TCF4: variants seen among roughly 807,000 people sequenced by gnomAD.
The protein encoded by TCF4 is SL3-3 enhancer factor 2.
In TCF4, 3 loss-of-function variants were observed where a neutral mutation model predicts 82.1. That is an observed-to-expected ratio of 0.04 (90% CI 0.02 to 0.09). The LOEUF is 0.09. Ranked by LOEUF, TCF4 falls within the 10% of genes least tolerant of loss-of-function variation. TCF4 has a pLI of 1.00. For missense variants in TCF4, 518 were observed against 852.7 expected (o/e 0.61, Z 4.89); for synonymous variants, 276 against 309.6 (o/e 0.89, Z 1.14).
intron 3 of TCF4, among the ~76,000 whole-genome samples, chr18:55,501,744 A>G (rs1015780942): frequency 1.4e-4 from 21 of 152,162 alleles, no homozygotes; most frequent in African/African-American, 5.1e-4. Context: ...ACAGCTGGAA[A>G]CAGGAAGCTT....
chr18:55,622,049 TAATA>T (rs1349077373), intron 2 of TCF4, among the ~76,000 whole-genome samples: 5 of 136,826 alleles, frequency 3.7e-5, no homozygotes, highest in Non-Finnish European at 7.6e-5. Flanking sequence ...ACACTATATA[TAATA>T]TATATACACT....
chr18:55,304,913 A>G (rs951966916), intron 8 of TCF4, among the ~76,000 whole-genome samples: 3 of 152,170 alleles, frequency 2.0e-5, no homozygotes, highest in African/African-American at 7.2e-5. Flanking sequence ...CTTTGTTTCA[A>G]TGATAAACCA....
At chr18:55,365,995 GATATAGAT>G (rs1479590421) in intron 6 of TCF4, among the ~76,000 whole-genome samples, 1 of 134,552 alleles carries the variant, frequency 7.4e-6, no homozygotes, top group Non-Finnish European at 1.6e-5. Context: ...TATAGATATA[GATATAGAT>G]ATAGATATAG....
At chr18:55,420,881 GC>G (rs1269625134) in intron 5 of TCF4, among the ~76,000 whole-genome samples, 2 of 141,300 alleles carry the variant, frequency 1.4e-5, no homozygotes, top group Non-Finnish European at 3.1e-5. Flanking sequence ...ACCAATCACA[GC>G]AGAAAGCGCT....
intron 8 of TCF4, among the ~76,000 whole-genome samples, chr18:55,318,499 AG>A (rs2074702063): frequency 6.6e-6 from 1 of 152,150 alleles, no homozygotes; most frequent in Non-Finnish European, 1.5e-5. Context: ...TAATGCATAG[AG>A]GAAAAAAAAA....
intron 3 of TCF4, among the ~76,000 whole-genome samples, chr18:55,516,910 G>A (rs2096888110): frequency 6.6e-6 from 1 of 152,164 alleles, no homozygotes; most frequent in Admixed American, 6.5e-5. Context: ...GTTCTGAGAA[G>A]AGGAGGAATA....
chr18:55,615,788 G>A (rs1165320149), intron 2 of TCF4, among the ~76,000 whole-genome samples: 1 of 151,904 alleles, frequency 6.6e-6, no homozygotes, highest in Non-Finnish European at 1.5e-5. Flanking sequence ...GTTTTAATAT[G>A]GTGAATTATA....
intron 3 of TCF4, among the ~76,000 whole-genome samples, chr18:55,479,812 T>C (rs2096382170): frequency 6.6e-6 from 1 of 152,192 alleles, no homozygotes; most frequent in Admixed American, 6.5e-5. Flanking sequence ...GCAATTAGCA[T>C]ACCCTGACTA....
At chr18:55,496,785 A>G (rs1322437220) in intron 3 of TCF4, among the ~76,000 whole-genome samples, 2 of 151,990 alleles carry the variant, frequency 1.3e-5, no homozygotes, top group African/African-American at 2.4e-5. Context: ...ACTTCTTTAT[A>G]TACTCTAAAT....
intron 3 of TCF4, among the ~76,000 whole-genome samples, chr18:55,543,936 T>C (rs2097184798): frequency 6.6e-6 from 1 of 152,162 alleles, no homozygotes; most frequent in African/African-American, 2.4e-5. Flanking sequence ...GTAAGTTTTT[T>C]TTTCCTTTCC....
rs577988035 is a variant in TCF4, at chr18:55,253,289, A to G, written c.1350+1208T>C. 8.5e-5 allele frequency among the ~76,000 whole-genome samples: 13 copies of G among 152,288 alleles called. No individual in the cohort carries two copies. The East Asian group carries it at 2.5e-3, about 29-fold the overall frequency. On this transcript the variant is annotated intron_variant, in intron 15 of 19. Transcript: ENST00000354452. The stretch of plus-strand genomic sequence containing the variant: ...TCATAATAATTTGTATGTATTTTGC[A>G]TTTCCTTTTGGGACCATGCTTAAAC...
intron 13 of TCF4, among the ~76,000 whole-genome samples, chr18:55,259,421 A>G (rs1189603527): frequency 6.6e-6 from 1 of 152,216 alleles, no homozygotes; most frequent in Non-Finnish European, 1.5e-5. Context: ...TATACTTTGA[A>G]GTCAAACATC....
At chr18:55,263,103 C>T (rs763027303) in intron 11 of TCF4, among the ~76,000 whole-genome samples, 1 of 152,030 alleles carries the variant, frequency 6.6e-6, no homozygotes, top group Non-Finnish European at 1.5e-5. Flanking sequence ...GGTGCCCAGC[C>T]GATAATGTTT....
intron 6 of TCF4, among the ~76,000 whole-genome samples, chr18:55,355,472 C>A (rs2083280963): frequency 6.6e-6 from 1 of 152,274 alleles, no homozygotes; most frequent in Non-Finnish European, 1.5e-5. Context: ...TGCTGACTTA[C>A]TACAGTAGCA....
Position 55,225,360 on chromosome 18 carries a change from A to G in TCF4, c.*2675T>C, listed in dbSNP as rs1005962378. On this transcript the variant is annotated 3_prime_UTR_variant, in exon 20 of 20. Transcript: ENST00000354452. ...CAATTTACTTTTTTGCTTTGTTTAC[A>G]GATTTGAAAAACTTTAATTCAGCTC... The G allele has an allele frequency of 9.2e-5, 14 of 152,644 alleles. No individual in the cohort carries two copies. The highest frequency in any genetic ancestry group is 3.4e-4 in the African/African-American group (14 of 41,458). The allele number at this position is 152,644 out of a possible 1,614,324, so 9.5% of individuals were successfully genotyped here.
intron 6 of TCF4, among the ~76,000 whole-genome samples, chr18:55,353,445 A>G (rs1464797359): frequency 6.6e-6 from 1 of 152,156 alleles, no homozygotes; most frequent in Non-Finnish European, 1.5e-5. Flanking sequence ...TTTTTTCACA[A>G]AGCACATTCC....
At chr18:55,334,365 T>G (rs2078205242) in intron 8 of TCF4, among the ~76,000 whole-genome samples, 1 of 152,146 alleles carries the variant, frequency 6.6e-6, no homozygotes, top group Non-Finnish European at 1.5e-5. Context: ...GTAAATGCAC[T>G]CTTTAGGTAT....
intron 3 of TCF4, among the ~76,000 whole-genome samples, chr18:55,494,674 C>T (rs2096613797): frequency 6.6e-6 from 1 of 152,026 alleles, no homozygotes; most frequent in African/African-American, 2.4e-5. Context: ...CATTTATTTG[C>T]ACAGCAGAAC....
At position 55,461,962 on chromosome 18, in the gene TCF4, TAAAGTGACCAAAAAGGGGGGAA is replaced by T. The variant is rs575825583; in HGVS notation, c.208-869_208-848del. On this transcript the variant is annotated intron_variant, in intron 4 of 19. Transcript: ENST00000354452. ...TCAACTTTCAGTCTACTAAAGTGCATAAAGTGACCAAAAAGGGGGGAAAAAGTCATTCTGCTCAGCTGGTGGA... is the reference window on the plus strand; with the variant it reads ...TCAACTTTCAGTCTACTAAAGTGCATAAAGTCATTCTGCTCAGCTGGTGGA... Among the ~76,000 whole-genome samples the T allele has an allele frequency of 5.6e-4, 85 of 152,220 alleles. 1 individual carries two copies. The highest frequency in any genetic ancestry group is 3.4e-3 in the Middle Eastern group (1 of 294).
Sources: gnomAD v4.1 joint callset for allele counts (sites outside exome capture counted in the v4.1 genomes callset) on GRCh38, gnomAD v4.1.1 for gene constraint, MANE v1.5 for transcripts, NCBI Gene and HGNC (gene_info 2026-07-23, HGNC 2026-07-21) for gene names.